RORA: variants seen among roughly 807,000 people sequenced by gnomAD.
RORA encodes the protein RAR related orphan receptor A.
RORA carries 7 observed loss-of-function variants against 69.5 expected under a neutral mutation model. That is an observed-to-expected ratio of 0.10 (90% CI 0.06 to 0.19). The LOEUF is 0.19. Among genes scored for constraint, RORA ranks in the 10% least tolerant of loss-of-function variants. RORA has a pLI of 1.00. For synonymous variants in RORA, 261 were observed against 240.8 expected, an observed-to-expected ratio of 1.08 and a Z score of -0.78; for missense variants, 457 against 663.0, an observed-to-expected ratio of 0.69 and a Z score of 3.41.
intron 2 of RORA, among the ~76,000 whole-genome samples, chr15:60,671,423 G>C (rs956100161): frequency 1.3e-5 from 2 of 151,958 alleles, no homozygotes; most frequent in African/African-American, 4.8e-5. Context: ...ACATTAAGTA[G>C]ACATCAGTTC....
intron 1 of RORA, among the ~76,000 whole-genome samples, chr15:60,886,922 G>C (rs2073756976): frequency 6.6e-6 from 1 of 152,172 alleles, no homozygotes; most frequent in South Asian, 2.1e-4. Flanking sequence ...AGGACCAGAG[G>C]ACACTCACAG....
intron 1 of RORA, among the ~76,000 whole-genome samples, chr15:60,707,520 C>T (rs570016373): frequency 5.3e-4 from 80 of 151,984 alleles, no homozygotes; most frequent in African/African-American, 1.6e-3. Context: ...CCCGCCACCA[C>T]GCCTGGCTAA....
intron 1 of RORA, among the ~76,000 whole-genome samples, chr15:60,994,747 T>A (rs1438733699): frequency 1.3e-5 from 2 of 152,224 alleles, no homozygotes; most frequent in African/African-American, 4.8e-5. Flanking sequence ...GAAACCAGAA[T>A]GAAGACAACT....
rs7162987 is a variant in RORA at position 60,905,838 on chromosome 15, G to T, written c.167-227152C>A. The stretch of plus-strand genomic sequence containing the variant: ...GATATCCCTTTCCTTGCTACTGAAA[G>T]AAATGGTGCTGAATTCACCTTGTTC... On this transcript the variant is annotated intron_variant, in intron 1 of 10. Coordinates refer to ENST00000335670, the MANE Select transcript of RORA (RefSeq NM_134261.3). The surrounding 1 kb of genome is among the most constrained non-coding windows in gnomAD (Gnocchi z 4.8). Among the ~76,000 whole-genome samples, 4,081 of 152,266 alleles carry T rather than the reference G, an allele frequency of 0.027. 180 individuals carry two copies. The highest frequency in any genetic ancestry group is 0.093 in the African/African-American group (3,842 of 41,530).
chr15:60,615,374 C>T (rs1388480105), intron 2 of RORA, among the ~76,000 whole-genome samples: 2 of 152,112 alleles, frequency 1.3e-5, no homozygotes, highest in African/African-American at 2.4e-5. Flanking sequence ...ACACCCCAGC[C>T]GGTATCTCTA....
intron 2 of RORA, among the ~76,000 whole-genome samples, chr15:60,608,573 G>A (rs957812662): frequency 1.3e-5 from 2 of 152,144 alleles, no homozygotes; most frequent in African/African-American, 2.4e-5. Flanking sequence ...ATTGAAAACT[G>A]ATTTCCTGTT....
At chr15:60,567,710 C>T (rs746058888) in intron 2 of RORA, among the ~76,000 whole-genome samples, 4 of 152,098 alleles carry the variant, frequency 2.6e-5, no homozygotes, top group Non-Finnish European at 5.9e-5. Context: ...CAGGCCCAGC[C>T]GATACCCTCT....
In RORA at chr15:60,903,930, C is replaced by T. The variant is rs547158965; in HGVS notation, c.167-225244G>A. Among the ~76,000 whole-genome samples the T allele has an allele frequency of 3.8e-4, 58 of 152,094 alleles. 1 individual carries two copies. The highest frequency in any genetic ancestry group is 1.4e-3 in the African/African-American group (56 of 41,396). On this transcript the variant is annotated intron_variant, in intron 1 of 10. Coordinates refer to ENST00000335670, the MANE Select transcript of RORA (RefSeq NM_134261.3). ...TGGGGGTACATTTTGCATTCATATACGACGTATAAAGTATCTTGTTTGCTT... is the reference window on the plus strand; with the variant it reads ...TGGGGGTACATTTTGCATTCATATATGACGTATAAAGTATCTTGTTTGCTT...
chr15:60,909,866 T>A (rs559192574), intron 1 of RORA, among the ~76,000 whole-genome samples: 3 of 152,362 alleles, frequency 2.0e-5, no homozygotes, highest in South Asian at 2.1e-4. Flanking sequence ...TATTATTATT[T>A]TTTTTCCTTC....
At chr15:60,569,009 C>T (rs988679116) in intron 2 of RORA, among the ~76,000 whole-genome samples, 1 of 149,244 alleles carries the variant, frequency 6.7e-6, no homozygotes, top group African/African-American at 2.5e-5. Context: ...GCTGACAATA[C>T]AATTTACAAA....
At chr15:60,831,712 T>C (rs2073044558) in intron 1 of RORA, among the ~76,000 whole-genome samples, 1 of 152,228 alleles carries the variant, frequency 6.6e-6, no homozygotes, top group Non-Finnish European at 1.5e-5. Flanking sequence ...ATTTCACGAC[T>C]CTTGAACTCA....
chr15:60,824,248 G>T lies in RORA; in HGVS notation c.167-145562C>A, dbSNP rs184061500. Among the ~76,000 whole-genome samples, 170 of 152,290 alleles carry T rather than the reference G, an allele frequency of 1.1e-3. 4 individuals carry two copies. The highest frequency in any genetic ancestry group is 0.011 in the Admixed American group (168 of 15,282). The stretch of plus-strand genomic sequence containing the variant: ...TTGCAAACATTCTTGATTCAACCAG[G>T]CTCTTGGAAGTTAATGTAGTCAACA... On this transcript the variant is annotated intron_variant, in intron 1 of 10. Transcript: ENST00000335670.
intron 1 of RORA, among the ~76,000 whole-genome samples, chr15:60,748,897 G>C (rs528773549): frequency 6.6e-6 from 1 of 152,140 alleles, no homozygotes; most frequent in Non-Finnish European, 1.5e-5. Context: ...TCCAGTACAC[G>C]GAGGAACTCT....
At chr15:61,225,506 G>C (rs1324814907) in intron 1 of RORA, among the ~76,000 whole-genome samples, 1 of 152,184 alleles carries the variant, frequency 6.6e-6, no homozygotes, top group Non-Finnish European at 1.5e-5. Context: ...CCTGTTAACT[G>C]ATTTTAAGTC....
chr15:60,761,906 C>T (rs1384829764), intron 1 of RORA, among the ~76,000 whole-genome samples: 1 of 151,966 alleles, frequency 6.6e-6, no homozygotes, highest in African/African-American at 2.4e-5. Flanking sequence ...TAAGTTTCTC[C>T]CTCTTTGCAA....
chr15:61,079,356 C>A (rs1017591947), intron 1 of RORA, among the ~76,000 whole-genome samples: 5 of 152,150 alleles, frequency 3.3e-5, no homozygotes, highest in Admixed American at 3.3e-4. Flanking sequence ...ATTGCCAGAT[C>A]GTAGACACAG....
intron 2 of RORA, among the ~76,000 whole-genome samples, chr15:60,643,026 G>A (rs929839963): frequency 1.3e-5 from 2 of 152,026 alleles, no homozygotes; most frequent in African/African-American, 4.8e-5. Context: ...GCCTGGTGAA[G>A]TGCACCTGTA....
At chr15:60,900,443 A>G (rs554546046) in intron 1 of RORA, among the ~76,000 whole-genome samples, 99 of 152,354 alleles carry the variant, frequency 6.5e-4, no homozygotes, top group Non-Finnish European at 7.3e-4. Flanking sequence ...ATAACAGTCT[A>G]GTACAACTGG....
intron 1 of RORA, among the ~76,000 whole-genome samples, chr15:61,044,243 C>T (rs7172342): frequency 6.6e-6 from 1 of 152,050 alleles, no homozygotes; most frequent in Non-Finnish European, 1.5e-5. Context: ...TCATGCCTTT[C>T]AGACTGCTCC....
Sources: gnomAD v4.1 joint callset for allele counts (sites outside exome capture counted in the v4.1 genomes callset) on GRCh38, gnomAD v4.1.1 for gene constraint, Gnocchi (gnomAD v3.1) non-coding constraint, MANE v1.5 for transcripts, NCBI Gene and HGNC (gene_info 2026-07-23, HGNC 2026-07-21) for gene names.